The following DNM3 variants were observed in gnomAD, a reference collection of about 807,000 sequenced individuals.
The protein encoded by DNM3 is dynamin 3, also known as dynamin-3.
Under a neutral mutation model 101.6 loss-of-function variants are expected in DNM3, and 47 were observed. The observed-to-expected ratio is 0.46, with a 90% CI of 0.37 to 0.59. The LOEUF (loss-of-function observed/expected upper bound fraction) is 0.59, where lower values mean the gene tolerates loss of function less well. Among genes scored for constraint, DNM3 ranks in the 20% least tolerant of loss-of-function variants. The pLI, the probability that DNM3 is intolerant of heterozygous loss-of-function variation, is 0.00. For synonymous variants in DNM3, 385 were observed against 387.9 expected (o/e 0.99, Z 0.09); for missense variants, 849 against 1,085.7 (o/e 0.78, Z 3.06).
At chr1:172,277,089 G>A (rs1334345128) in intron 15 of DNM3, among the ~76,000 whole-genome samples, 1 of 152,008 alleles carries the variant, frequency 6.6e-6, no homozygotes, top group Admixed American at 6.6e-5. Flanking sequence ...AGGCTCTGAG[G>A]TAGGAGCTAA....
intron 13 of DNM3, among the ~76,000 whole-genome samples, chr1:172,128,955 C>T (rs553923116): frequency 1.3e-5 from 2 of 152,240 alleles, no homozygotes; most frequent in African/African-American, 4.8e-5. Context: ...CATGCAAGAT[C>T]CATTGAAACG....
At chr1:172,026,163 A>C (rs1331404043) in intron 4 of DNM3, among the ~76,000 whole-genome samples, 1 of 152,128 alleles carries the variant, frequency 6.6e-6, no homozygotes, top group African/African-American at 2.4e-5. Context: ...TGAAGCATAC[A>C]CAAGTATCAA....
chr1:172,324,495 T>C (rs193076504), intron 17 of DNM3, among the ~76,000 whole-genome samples: 126 of 152,232 alleles, frequency 8.3e-4, no homozygotes, highest in African/African-American at 2.8e-3. Context: ...AGTAATAATA[T>C]ATAATAAAGT....
At chr1:171,885,169 G>T (rs1288583155) in intron 1 of DNM3, among the ~76,000 whole-genome samples, 2 of 152,008 alleles carry the variant, frequency 1.3e-5, no homozygotes, top group African/African-American at 4.8e-5. Context: ...TTTGCAGCTG[G>T]CTTTTGATGA....
intron 16 of DNM3, chr1:172,309,625 G>T (rs1257148444): frequency 6.6e-6 from 1 of 152,180 alleles, no homozygotes; most frequent in Non-Finnish European, 1.5e-5. Context: ...AAGCCTTGGG[G>T]ATTTAGTTCA....
At chr1:172,354,352 T>C (rs1262607455) in intron 17 of DNM3, among the ~76,000 whole-genome samples, 1 of 152,066 alleles carries the variant, frequency 6.6e-6, no homozygotes, top group African/African-American at 2.4e-5. Context: ...CAGGCCCCCA[T>C]TTCACAGATT....
In DNM3 at chr1:172,409,099, A is replaced by G; in HGVS notation, c.*1258A>G. On this transcript the variant is annotated 3_prime_UTR_variant, in exon 21 of 21. Coordinates refer to ENST00000627582, the MANE Select transcript of DNM3 (RefSeq NM_015569.5). ...CCTGGGGGTTAATAGTTAAGTCTTG[A>G]GGCTAAGTTTTGGACTACCAAGGAC... 1.0e-6 allele frequency: 1 copy of G among 985,354 alleles called. No individual in the cohort carries two copies. The highest frequency in any genetic ancestry group is 1.7e-5 in the African/African-American group (1 of 57,344). 61.0% of individuals were successfully genotyped at this position (985,354 alleles called of 1,614,324 possible).
chr1:171,881,180 C>T (rs1369231954), intron 1 of DNM3, among the ~76,000 whole-genome samples: 2 of 151,974 alleles, frequency 1.3e-5, no homozygotes, highest in African/African-American at 2.4e-5. Flanking sequence ...CAGTTAATTC[C>T]GTATGAAACA....
chr1:172,204,303 G>C (rs2060254946), intron 14 of DNM3, among the ~76,000 whole-genome samples: 1 of 138,280 alleles, frequency 7.2e-6, no homozygotes, highest in African/African-American at 2.9e-5. Context: ...TTATTTGTTT[G>C]TTCTCAAAAA....
chr1:172,079,659 CT>C (rs547964416), intron 11 of DNM3, among the ~76,000 whole-genome samples: 11 of 152,214 alleles, frequency 7.2e-5, no homozygotes, highest in African/African-American at 2.4e-4. Context: ...ATTTTGTTTT[CT>C]TGCTGGCAAG....
chr1:172,022,132 A>C (rs780922032), intron 4 of DNM3, among the ~76,000 whole-genome samples: 18 of 152,166 alleles, frequency 1.2e-4, no homozygotes, highest in Non-Finnish European at 2.4e-4. Flanking sequence ...GTTTCATGCC[A>C]CACAGTCTGT....
chr1:172,412,122 TG>T lies in DNM3; in HGVS notation c.*4282del. 1.0e-6 allele frequency: 1 copy of T among 985,386 alleles called. No individual in the cohort carries two copies. The highest frequency in any genetic ancestry group is 1.2e-6 in the Non-Finnish European group (1 of 829,758). The allele number at this position is 985,386 out of a possible 1,614,324, so 61.0% of individuals were successfully genotyped here. A position where few individuals can be genotyped will look rare whatever the true frequency, so the allele number is the denominator to read the frequency against. On this transcript the variant is annotated 3_prime_UTR_variant, in exon 21 of 21. Transcript: ENST00000627582. ...AAGAGAGAGGAAACTCAAAGAGGAG[TG>T]TTTGTCTTAAGACCTGTTCATACTG...
chr1:172,241,350 A>G (rs574010246), intron 14 of DNM3, among the ~76,000 whole-genome samples: 2 of 152,110 alleles, frequency 1.3e-5, no homozygotes, highest in South Asian at 2.1e-4. Context: ...GCATACATAC[A>G]TATTAATAAT....
At chr1:172,155,708 G>C (rs1375023763) in intron 14 of DNM3, among the ~76,000 whole-genome samples, 2 of 152,076 alleles carry the variant, frequency 1.3e-5, no homozygotes, top group Non-Finnish European at 2.9e-5. Flanking sequence ...GTTAGACTCT[G>C]TCCTGGAGAT....
At chr1:172,146,873 C>T (rs2057926707) in intron 14 of DNM3, among the ~76,000 whole-genome samples, 1 of 152,106 alleles carries the variant, frequency 6.6e-6, no homozygotes, top group Admixed American at 6.6e-5. Flanking sequence ...ACCATGATTT[C>T]ACCTTAGTCT....
chr1:171,894,957 G>A (rs1168516986), intron 1 of DNM3, among the ~76,000 whole-genome samples: 3 of 152,172 alleles, frequency 2.0e-5, no homozygotes, highest in African/African-American at 4.8e-5. Flanking sequence ...TGCCTGCAAA[G>A]GACATGAACT....
At chr1:171,903,713 T>A (rs2038573088) in intron 1 of DNM3, among the ~76,000 whole-genome samples, 1 of 152,212 alleles carries the variant, frequency 6.6e-6, no homozygotes, top group Admixed American at 6.5e-5. Context: ...GGAAGTTTAA[T>A]TGAACTTTGA....
At chr1:172,057,808 A>G (rs904700077) in intron 10 of DNM3, among the ~76,000 whole-genome samples, 2 of 151,230 alleles carry the variant, frequency 1.3e-5, no homozygotes, top group African/African-American at 2.4e-5. Context: ...ATAACCAGCT[A>G]TCATCATAAT....
chr1:171,853,215 G>T lies in DNM3; in HGVS notation c.161+11398G>T, dbSNP rs372237218. ...CTCTAGCTCTGTCACCCAGGCTGGAGGGCAATGGCATGAAAACTGCTCACT... is the reference window on the plus strand; with the variant it reads ...CTCTAGCTCTGTCACCCAGGCTGGATGGCAATGGCATGAAAACTGCTCACT... On this transcript the variant is annotated intron_variant, in intron 1 of 20. Transcript: ENST00000627582. Among the ~76,000 whole-genome samples the T allele has an allele frequency of 2.6e-5, 4 of 152,086 alleles. No individual in the cohort carries two copies. In the East Asian group the frequency reaches 7.7e-4, roughly 29 times the overall value.
Sources: gnomAD v4.1 joint callset for allele counts (sites outside exome capture counted in the v4.1 genomes callset) on GRCh38, gnomAD v4.1.1 for gene constraint, MANE v1.5 for transcripts, NCBI Gene and HGNC (gene_info 2026-07-23, HGNC 2026-07-21) for gene names.